The following UCK2 variants were observed in gnomAD, a reference collection of about 807,000 sequenced individuals.
UCK2 encodes uridine-cytidine kinase 2.
A neutral mutation model predicts 30.8 loss-of-function variants in UCK2; 6 were observed. The ratio of observed to expected loss-of-function variants is 0.19; its 90% CI spans 0.11 to 0.38. UCK2 has a LOEUF of 0.38. Among genes scored for constraint, UCK2 ranks in the 10% least tolerant of loss-of-function variants. The pLI is 1.00. For synonymous variants in UCK2, 125 were observed against 133.6 expected, an observed-to-expected ratio of 0.94 and a Z score of 0.45; for missense variants, 210 against 339.8, an observed-to-expected ratio of 0.62 and a Z score of 3.00.
rs1358380141 is a variant in UCK2 at position 165,909,016 on chromosome 1, G to T, written c.*1193G>T. ...TACTTATTTGCAATACCACCTAGTG[G>T]ATATGGCAACTGCAGAGCATAAAAG... On this transcript the variant is annotated 3_prime_UTR_variant, in exon 7 of 7. Transcript: ENST00000367879. 6.6e-6 allele frequency: 1 copy of T among 152,220 alleles called. No individual in the cohort carries two copies. Among genetic ancestry groups the T allele is most frequent in the Non-Finnish European group, 1.5e-5 (1 of 68,050 alleles). 9.4% of individuals were successfully genotyped at this position (152,220 alleles called of 1,614,324 possible). A position where few individuals can be genotyped will look rare whatever the true frequency, so the allele number is the denominator to read the frequency against.
At chr1:165,886,528 C>T (rs1655618139) in intron 1 of UCK2, among the ~76,000 whole-genome samples, 1 of 152,164 alleles carries the variant, frequency 6.6e-6, no homozygotes, top group African/African-American at 2.4e-5. Context: ...CTCCTGGGCT[C>T]AAGTGATCCT....
intron 1 of UCK2, 140 bp from the exon 2 acceptor site, chr1:165,890,064 A>T: frequency 1.2e-6 from 1 of 868,420 alleles, no homozygotes; most frequent in Non-Finnish European, 1.8e-6. Flanking sequence ...TTAACTCATC[A>T]TGCACGATAG....
intron 1 of UCK2, among the ~76,000 whole-genome samples, chr1:165,869,607 TA>T (rs543245659): frequency 8.9e-5 from 13 of 146,532 alleles, no homozygotes; most frequent in African/African-American, 2.5e-4. Context: ...GTTTCTTTCT[TA>T]AAAAAAAAAT....
At chr1:165,854,124 C>T (rs1467949864) in intron 1 of UCK2, among the ~76,000 whole-genome samples, 4 of 152,168 alleles carry the variant, frequency 2.6e-5, no homozygotes, top group African/African-American at 4.8e-5. Context: ...AGGCAGAATG[C>T]CTGTTGAGAC....
Position 165,907,862 on chromosome 1 carries a change from CAG to C in UCK2, c.*42_*43del, listed in dbSNP as rs770295030. 1.4e-5 allele frequency: 23 copies of C among 1,609,024 alleles called. No individual in the cohort carries two copies. In the African/African-American group the frequency reaches 2.9e-4, roughly 21 times the overall value. On this transcript the variant is annotated 3_prime_UTR_variant, in exon 7 of 7. Transcript: ENST00000367879. Reference sequence around the variant, plus strand: ...GACCCCAGCCCCTATCTCCAAGAGACAGAGGAGGGGTCAGGAGGCACTGCTCA... The same window carrying C: ...GACCCCAGCCCCTATCTCCAAGAGACAGGAGGGGTCAGGAGGCACTGCTCA...
chr1:165,891,226 A>G lies in UCK2; in HGVS notation c.260A>G (p.Asp87Gly). Residue 87 changes from aspartate (D) to glycine (G), a missense_variant and splice_region_variant, in exon 3 of 7, where the codon GAT (aspartate) becomes GGT (glycine). Physicochemically the swap from Asp to Gly is moderately conservative, Grantham distance 94. Around this residue, in one of 4 missense-constraint regions of UCK2, gnomAD observed 75 missense variants for 124.7 expected, o/e 0.60. Transcript: ENST00000367879. The stretch of plus-strand genomic sequence containing the variant: ...ATTTTAACAATTTGGTATTTTTCAG[A>G]TGCCTTTGACAATGAACTCATTCTC... ...LKGQFNFDHP[D>G]AFDNELILKT... is the part of the protein sequence containing the mutation. 1.2e-6 allele frequency: 2 copies of G among 1,613,972 alleles called. No homozygotes were observed. The highest frequency in any genetic ancestry group is 1.7e-6 in the Non-Finnish European group (2 of 1,179,842).
At chr1:165,830,441 C>G (rs1264243561) in intron 1 of UCK2, among the ~76,000 whole-genome samples, 1 of 151,986 alleles carries the variant, frequency 6.6e-6, no homozygotes, top group Non-Finnish European at 1.5e-5. Context: ...TCTTCTGCCT[C>G]AGCCTCCCAA....
chr1:165,855,759 G>A (rs1239983096), intron 1 of UCK2, among the ~76,000 whole-genome samples: 1 of 152,202 alleles, frequency 6.6e-6, no homozygotes, highest in Non-Finnish European at 1.5e-5. Flanking sequence ...ACAGGTGGAT[G>A]TGGGGTGGGG....
chr1:165,828,308 A>G (rs1653949191), intron 1 of UCK2, among the ~76,000 whole-genome samples: 1 of 151,888 alleles, frequency 6.6e-6, no homozygotes. Context: ...TCCCCCACTA[A>G]CCCCCGATGG....
intron 1 of UCK2, among the ~76,000 whole-genome samples, chr1:165,864,764 C>T (rs185918851): frequency 8.3e-4 from 126 of 152,248 alleles, no homozygotes; most frequent in Admixed American, 2.1e-3. Context: ...ACTGCAGCCC[C>T]GACCTCCTGG....
Position 165,909,869 on chromosome 1 carries a change from T to C in UCK2, c.*2046T>C, listed in dbSNP as rs890987253. 14 of 152,394 alleles carry C rather than the reference T, an allele frequency of 9.2e-5. No homozygotes were observed. The highest frequency in any genetic ancestry group is 8.5e-4 in the Admixed American group (13 of 15,300). The allele number at this position is 152,394 out of a possible 1,614,324, so 9.4% of individuals were successfully genotyped here. A position where few individuals can be genotyped will look rare whatever the true frequency, so the allele number is the denominator to read the frequency against. On this transcript the variant is annotated 3_prime_UTR_variant, in exon 7 of 7. Transcript: ENST00000367879. The stretch of plus-strand genomic sequence containing the variant: ...CCCGTGTCTGGGAGAGCCTTGGCTT[T>C]TCAGTGGGCAGCATGCTCAACTTTA...
At chr1:165,895,561 C>T (rs1274845065) in intron 3 of UCK2, 4 of 985,358 alleles carry the variant, frequency 4.1e-6, no homozygotes, top group South Asian at 9.4e-5. Flanking sequence ...TCAGGATTGA[C>T]CTGTGGCCAC....
chr1:165,859,380 G>A (rs1299936781), intron 1 of UCK2, among the ~76,000 whole-genome samples: 1 of 152,178 alleles, frequency 6.6e-6, no homozygotes, highest in Non-Finnish European at 1.5e-5. Flanking sequence ...CTCCGCTGGT[G>A]TCTGAGTTGG....
chr1:165,832,943 C>T (rs975801203), intron 1 of UCK2, among the ~76,000 whole-genome samples: 1 of 152,008 alleles, frequency 6.6e-6, no homozygotes, highest in African/African-American at 2.4e-5. Flanking sequence ...GCAGTGGCCT[C>T]TTCGTGTAAA....
At chr1:165,861,627 C>CAAAAAAAA (rs1223282712) in intron 1 of UCK2, among the ~76,000 whole-genome samples, 23 of 15,748 alleles carry the variant, frequency 1.5e-3, no homozygotes, top group Non-Finnish European at 2.0e-3. Flanking sequence ...GACTCCGTCT[C>CAAAAAAAA]AAAAAAAAAA....
At chr1:165,885,407 C>T (rs954418067) in intron 1 of UCK2, 10 of 398,392 alleles carry the variant, frequency 2.5e-5, no homozygotes, top group African/African-American at 2.1e-4. Context: ...GAATCACCTT[C>T]ACTGATTTGT....
chr1:165,903,054 C>T, intron 4 of UCK2, 128 bp from the exon 5 acceptor site: 1 of 690,032 alleles, frequency 1.4e-6, no homozygotes, highest in Non-Finnish European at 2.5e-6. Flanking sequence ...TCAAGCCTCT[C>T]AGGATTCCAG....
At chr1:165,856,928 C>T (rs1654762133) in intron 1 of UCK2, among the ~76,000 whole-genome samples, 1 of 137,514 alleles carries the variant, frequency 7.3e-6, no homozygotes, top group Non-Finnish European at 1.5e-5. Flanking sequence ...TTTACTTTTG[C>T]GAACATGTTG....
intron 5 of UCK2, 21 bp downstream of exon 5, chr1:165,903,300 G>A: frequency 6.2e-7 from 1 of 1,605,806 alleles, no homozygotes; most frequent in Non-Finnish European, 8.5e-7. Flanking sequence ...TTCTTGGTTT[G>A]TTTTTGTTGA....
Sources: allele counts gnomAD v4.1 joint callset (sites outside exome capture counted in the v4.1 genomes callset), GRCh38; gene constraint gnomAD v4.1.1; regional missense constraint gnomAD v4.1.1; transcripts MANE v1.5; gene names NCBI Gene and HGNC (gene_info 2026-07-23, HGNC 2026-07-21).